Variants in CIRSR observed in about 807,000 individuals in gnomAD.
The protein encoded by CIRSR is CBF1 (RBPJ) interacting corepressor 1.
At chr2:174,377,958 T>C in the CIRSR span, among the ~76,000 whole-genome samples, 1 of 152,076 alleles carries the variant, frequency 6.6e-6, no homozygotes, top group Non-Finnish European at 1.5e-5. Context: ...TAGTGATTAG[T>C]GGCTGAAGAA....
the CIRSR span, among the ~76,000 whole-genome samples, chr2:174,394,186 T>C: frequency 6.6e-6 from 1 of 152,238 alleles, no homozygotes; most frequent in African/African-American, 2.4e-5. Flanking sequence ...TTGAAATTTA[T>C]AAAGCGAAAT....
chr2:174,372,853 A>G, the CIRSR span, among the ~76,000 whole-genome samples: 1 of 152,174 alleles, frequency 6.6e-6, no homozygotes, highest in East Asian at 1.9e-4. Flanking sequence ...AAGAGTTGGG[A>G]TTACAGGTGT....
chr2:174,357,749 TCTG>T, the CIRSR span, among the ~76,000 whole-genome samples: 1 of 152,210 alleles, frequency 6.6e-6, no homozygotes, highest in Non-Finnish European at 1.5e-5. Context: ...CCATAACCTT[TCTG>T]CTTTTAAGAA....
At chr2:174,363,772 C>T in the CIRSR span, among the ~76,000 whole-genome samples, 1 of 152,108 alleles carries the variant, frequency 6.6e-6, no homozygotes, top group Non-Finnish European at 1.5e-5. Flanking sequence ...GAGACTTAAT[C>T]GCTGTCACAA....
chr2:174,395,559 T>C, the CIRSR span: 1 of 1,614,056 alleles, frequency 6.2e-7, no homozygotes, highest in Non-Finnish European at 8.5e-7. Flanking sequence ...ACTTTTTTGA[T>C]ATTGGATTTG....
chr2:174,374,346 C>T, the CIRSR span, among the ~76,000 whole-genome samples: 230 of 152,258 alleles, frequency 1.5e-3, 1 homozygote, highest in Admixed American at 4.5e-3. Context: ...TAGAGCCTTA[C>T]GTAATACTGT....
chr2:174,355,046 G>A, the CIRSR span, among the ~76,000 whole-genome samples: 1 of 151,722 alleles, frequency 6.6e-6, no homozygotes, highest in African/African-American at 2.4e-5. Context: ...TGAGTTTAAA[G>A]TTCTAGGTTT....
the CIRSR span, among the ~76,000 whole-genome samples, chr2:174,382,668 A>G: frequency 1.6e-4 from 24 of 152,216 alleles, no homozygotes; most frequent in African/African-American, 5.5e-4. Context: ...AAGTCTACAC[A>G]TGCCAAGTAG....
the CIRSR span, among the ~76,000 whole-genome samples, chr2:174,391,554 C>T: frequency 6.6e-6 from 1 of 152,146 alleles, no homozygotes; most frequent in Non-Finnish European, 1.5e-5. Context: ...TGCATCACTG[C>T]ACTCTAGCCT....
chr2:174,378,936 G>A, the CIRSR span: 1 of 1,610,806 alleles, frequency 6.2e-7, no homozygotes, highest in Non-Finnish European at 8.5e-7. Context: ...AGCCATCAGT[G>A]GGAACCGAAC....
chr2:174,364,965 C>T, the CIRSR span, among the ~76,000 whole-genome samples: 1 of 152,166 alleles, frequency 6.6e-6, no homozygotes, highest in Non-Finnish European at 1.5e-5. Flanking sequence ...ATTTCTGTAG[C>T]CGGCTTGAAT....
chr2:174,364,024 C>T, the CIRSR span, among the ~76,000 whole-genome samples: 1 of 152,192 alleles, frequency 6.6e-6, no homozygotes, highest in Non-Finnish European at 1.5e-5. Flanking sequence ...AAAGTTCCAT[C>T]CAAGACAAAG....
the CIRSR span, among the ~76,000 whole-genome samples, chr2:174,379,925 A>T: frequency 4.6e-5 from 7 of 151,390 alleles, no homozygotes. Flanking sequence ...GGGTTTCACC[A>T]TGTCGGCCTG....
the CIRSR span, among the ~76,000 whole-genome samples, chr2:174,385,656 T>C: frequency 2.0e-5 from 3 of 152,046 alleles, no homozygotes; most frequent in Admixed American, 6.6e-5. Flanking sequence ...GGTTGGTGCA[T>C]GTTAAATGGA....
At chr2:174,353,329 C>T in the CIRSR span, among the ~76,000 whole-genome samples, 4 of 152,128 alleles carry the variant, frequency 2.6e-5, no homozygotes, top group Middle Eastern at 3.4e-3. Flanking sequence ...TGTTTAATTC[C>T]TATGTATTAC....
chr2:174,365,161 C>T, the CIRSR span, among the ~76,000 whole-genome samples: 4 of 152,176 alleles, frequency 2.6e-5, no homozygotes, highest in South Asian at 2.1e-4. Context: ...CAAGTTCAAA[C>T]TTCCACAAAT....
chr2:174,395,444 G>A, the CIRSR span: 4 of 1,110,990 alleles, frequency 3.6e-6, no homozygotes, highest in South Asian at 3.9e-5. Context: ...GCCTAGAGAA[G>A]CGGAGGCTGT....
the CIRSR span, chr2:174,380,650 C>T: frequency 6.2e-7 from 1 of 1,611,016 alleles, no homozygotes; most frequent in South Asian, 1.1e-5. Flanking sequence ...CCAGTCCTTA[C>T]TTTTCTCGTG....
At chr2:174,391,643 G>A in the CIRSR span, among the ~76,000 whole-genome samples, 1 of 151,988 alleles carries the variant, frequency 6.6e-6, no homozygotes, top group African/African-American at 2.4e-5. Flanking sequence ...GAGGGGAGAA[G>A]GAGAAAAACG....
Sources: allele counts gnomAD v4.1 joint callset (sites outside exome capture counted in the v4.1 genomes callset), GRCh38; gene constraint gnomAD v4.1.1; transcripts MANE v1.5; gene names NCBI Gene and HGNC (gene_info 2026-07-23, HGNC 2026-07-21).